Variants in NRXN1 observed in about 807,000 individuals in gnomAD.
NRXN1 encodes the protein neurexin-1.
NRXN1 carries 39 observed loss-of-function variants against 150.9 expected under a neutral mutation model. That is an observed-to-expected ratio of 0.26 (90% CI 0.20 to 0.34). The LOEUF (loss-of-function observed/expected upper bound fraction) is 0.34, where lower values mean the gene tolerates loss of function less well. Among genes scored for constraint, NRXN1 ranks in the 10% least tolerant of loss-of-function variants. The pLI is 1.00. For synonymous variants in NRXN1, 924 were observed against 757.0 expected (o/e 1.22, Z -3.62); for missense variants, 1,815 against 1,949.9 (o/e 0.93, Z 1.30).
At chr2:50,631,110 G>C (rs772058816) in intron 5 of NRXN1, 1 of 450,506 alleles carries the variant, frequency 2.2e-6, no homozygotes, top group African/African-American at 2.1e-5. Context: ...TACTTTCAAG[G>C]GAGAGTAGTT....
At chr2:50,716,284 T>C (rs1458065510) in intron 5 of NRXN1, among the ~76,000 whole-genome samples, 5 of 152,132 alleles carry the variant, frequency 3.3e-5, no homozygotes, top group Admixed American at 3.3e-4. Flanking sequence ...TTTTAGGATT[T>C]AGAAGGCTAC....
intron 5 of NRXN1, among the ~76,000 whole-genome samples, chr2:50,828,133 A>C (rs1415803957): frequency 1.3e-5 from 2 of 151,370 alleles, no homozygotes; most frequent in African/African-American, 4.9e-5. Flanking sequence ...CCCCTCCCAG[A>C]CGGGGTGGTG....
At chr2:50,544,821 C>A (rs1043879873) in intron 9 of NRXN1, among the ~76,000 whole-genome samples, 1 of 152,010 alleles carries the variant, frequency 6.6e-6, no homozygotes, top group African/African-American at 2.4e-5. Flanking sequence ...TAGTTTAAAA[C>A]AGTGAAGGTT....
chr2:49,966,741 C>T (rs770553448), intron 21 of NRXN1: 3 of 152,098 alleles, frequency 2.0e-5, no homozygotes, highest in Admixed American at 1.3e-4. Context: ...TCTGTTCACA[C>T]TGGGACATGT....
rs111977887 is a variant in NRXN1 at position 49,995,504 on chromosome 2, G to T, written c.4129-51713C>A. On this transcript the variant is annotated intron_variant, in intron 21 of 22. Coordinates refer to ENST00000401669, the MANE Select transcript of NRXN1 (RefSeq NM_001330078.2). ...GACCTTAAAGATAGGAAAAGAGGCC[G>T]GGCGCGGTGGCTCACGCCTCTAATC... 5.2e-3 allele frequency among the ~76,000 whole-genome samples: 785 copies of T among 152,096 alleles called. 8 individuals carry two copies. Among genetic ancestry groups the T allele is most frequent in the African/African-American group, 0.018 (752 of 41,492 alleles).
chr2:50,114,237 G>A (rs1436010015), intron 18 of NRXN1, among the ~76,000 whole-genome samples: 1 of 151,922 alleles, frequency 6.6e-6, no homozygotes, highest in Non-Finnish European at 1.5e-5. Flanking sequence ...ATATACAAAT[G>A]GCAAATACAT....
At chr2:50,898,445 C>T (rs1682362744) in intron 5 of NRXN1, among the ~76,000 whole-genome samples, 1 of 152,080 alleles carries the variant, frequency 6.6e-6, no homozygotes, top group Non-Finnish European at 1.5e-5. Context: ...TTAAAAAGGA[C>T]ACACTTTTCA....
chr2:50,907,785 G>T (rs560655873), intron 5 of NRXN1, among the ~76,000 whole-genome samples: 1 of 152,196 alleles, frequency 6.6e-6, no homozygotes, highest in East Asian at 1.9e-4. Context: ...GCTTCTAACA[G>T]AAATGCACCA....
intron 5 of NRXN1, among the ~76,000 whole-genome samples, chr2:50,780,648 A>C (rs187884606): frequency 6.6e-6 from 1 of 152,290 alleles, no homozygotes; most frequent in Non-Finnish European, 1.5e-5. Flanking sequence ...TGGTCTACTC[A>C]TGTTCTTTTT....
At chr2:50,749,625 G>A (rs1328001131) in intron 5 of NRXN1, among the ~76,000 whole-genome samples, 1 of 152,030 alleles carries the variant, frequency 6.6e-6, no homozygotes, top group Non-Finnish European at 1.5e-5. Context: ...GGAAGAATAT[G>A]ACACATTTAG....
intron 18 of NRXN1, among the ~76,000 whole-genome samples, chr2:50,155,606 A>T (rs1483917548): frequency 6.6e-6 from 1 of 151,652 alleles, no homozygotes; most frequent in African/African-American, 2.4e-5. Flanking sequence ...AAGCTTTAAG[A>T]TTGGATAGTA....
intron 18 of NRXN1, among the ~76,000 whole-genome samples, chr2:50,144,227 T>C (rs1164323325): frequency 6.6e-6 from 1 of 151,890 alleles, no homozygotes; most frequent in Non-Finnish European, 1.5e-5. Context: ...ACAGTAGCAA[T>C]GAGGCCACAC....
intron 21 of NRXN1, among the ~76,000 whole-genome samples, chr2:49,951,805 A>T (rs1276898818): frequency 6.6e-6 from 1 of 151,988 alleles, no homozygotes; most frequent in African/African-American, 2.4e-5. Flanking sequence ...TTGGTGGACT[A>T]ATTAATAGAT....
intron 8 of NRXN1, among the ~76,000 whole-genome samples, chr2:50,583,407 C>T (rs1293720931): frequency 2.0e-5 from 3 of 152,114 alleles, no homozygotes; most frequent in East Asian, 1.9e-4. Context: ...AGCTAAAAAC[C>T]GTTCCCTAAA....
intron 17 of NRXN1, among the ~76,000 whole-genome samples, chr2:50,342,065 T>C (rs1162635522): frequency 2.0e-5 from 3 of 152,218 alleles, no homozygotes; most frequent in African/African-American, 7.2e-5. Context: ...ACCTCAACTC[T>C]ACTCTCATCC....
chr2:50,401,670 G>A (rs546917525), intron 17 of NRXN1, among the ~76,000 whole-genome samples: 12 of 152,224 alleles, frequency 7.9e-5, no homozygotes, highest in African/African-American at 2.4e-4. Flanking sequence ...CAGAGAAAAG[G>A]ATGGAGCAAT....
intron 17 of NRXN1, among the ~76,000 whole-genome samples, chr2:50,256,733 T>C (rs932502469): frequency 1.3e-5 from 2 of 152,116 alleles, no homozygotes; most frequent in Non-Finnish European, 2.9e-5. Context: ...GCTTGAAGGG[T>C]CTATTGACTA....
chr2:50,391,328 G>A (rs753125714), intron 17 of NRXN1, among the ~76,000 whole-genome samples: 36 of 150,900 alleles, frequency 2.4e-4, no homozygotes, highest in Non-Finnish European at 4.4e-4. Flanking sequence ...AATGGGAAGG[G>A]GAATTGAAAA....
chr2:50,019,661 A>AAAAAAAAAG (rs1687209204), intron 21 of NRXN1, among the ~76,000 whole-genome samples: 1 of 107,512 alleles, frequency 9.3e-6, no homozygotes, highest in Non-Finnish European at 1.9e-5. Context: ...AAAAAAAAAA[A>AAAAAAAAAG]GGAGGCTGGG....
Sources: gnomAD v4.1 joint callset for allele counts (sites outside exome capture counted in the v4.1 genomes callset) on GRCh38, gnomAD v4.1.1 for gene constraint, MANE v1.5 for transcripts, NCBI Gene and HGNC (gene_info 2026-07-23, HGNC 2026-07-21) for gene names.